Variants in GRM3 observed in about 807,000 individuals in gnomAD.
The protein encoded by GRM3 is metabotropic glutamate receptor 3.
A neutral mutation model predicts 70.5 loss-of-function variants in GRM3; 26 were observed. That is an observed-to-expected ratio of 0.37 (90% CI 0.27 to 0.51). The LOEUF is 0.51. GRM3 is among the 20% of genes least tolerant of loss of function. The probability of loss-of-function intolerance (pLI) is 0.93; values close to 1 mark genes in which losing one functional copy is unlikely to be tolerated. For missense variants in GRM3, 859 were observed against 1,123.8 expected, an observed-to-expected ratio of 0.76 and a Z score of 3.37; for synonymous variants, 443 against 434.9, an observed-to-expected ratio of 1.02 and a Z score of -0.23.
At chr7:86,707,535 CT>C (rs1795087686) in intron 1 of GRM3, among the ~76,000 whole-genome samples, 1 of 151,938 alleles carries the variant, frequency 6.6e-6, no homozygotes, top group African/African-American at 2.4e-5. Flanking sequence ...CATCAACTTG[CT>C]TCATGAGAAC....
chr7:86,782,247 G>T (rs1476017010), intron 2 of GRM3, among the ~76,000 whole-genome samples: 1 of 151,748 alleles, frequency 6.6e-6, no homozygotes, highest in Non-Finnish European at 1.5e-5. Flanking sequence ...AAGAATTATT[G>T]ATAGTGATTT....
intron 1 of GRM3, among the ~76,000 whole-genome samples, chr7:86,702,814 GA>G (rs1426726390): frequency 6.6e-6 from 1 of 151,898 alleles, no homozygotes; most frequent in Non-Finnish European, 1.5e-5. Flanking sequence ...AGACCAGAAG[GA>G]AGAACACAAT....
chr7:86,645,232 G>A (rs1322460739), intron 1 of GRM3, among the ~76,000 whole-genome samples: 1 of 152,070 alleles, frequency 6.6e-6, no homozygotes, highest in Admixed American at 6.6e-5. Context: ...TTCTATTTGG[G>A]GGCTCCCTAA....
At chr7:86,689,963 A>G (rs538253293) in intron 1 of GRM3, among the ~76,000 whole-genome samples, 9 of 152,288 alleles carry the variant, frequency 5.9e-5, no homozygotes, top group African/African-American at 1.9e-4. Context: ...GCAATCACTC[A>G]CTAAGGGTCT....
At chr7:86,737,575 GTTA>G (rs942915089) in intron 1 of GRM3, among the ~76,000 whole-genome samples, 1 of 152,008 alleles carries the variant, frequency 6.6e-6, no homozygotes, top group Non-Finnish European at 1.5e-5. Flanking sequence ...ATTTGTTACG[GTTA>G]TTATTAAACA....
At chr7:86,844,434 A>G (rs1384708136) in intron 4 of GRM3, among the ~76,000 whole-genome samples, 1 of 152,218 alleles carries the variant, frequency 6.6e-6, no homozygotes, top group Non-Finnish European at 1.5e-5. Flanking sequence ...TATGAGAAAT[A>G]GGCAGGAGAG....
chr7:86,652,375 G>A (rs1793628446), intron 1 of GRM3, among the ~76,000 whole-genome samples: 1 of 152,112 alleles, frequency 6.6e-6, no homozygotes, highest in Admixed American at 6.5e-5. Context: ...CTGTTGCCCA[G>A]GCTGGAGTGC....
At chr7:86,728,982 T>C (rs1323232990) in intron 1 of GRM3, among the ~76,000 whole-genome samples, 3 of 152,208 alleles carry the variant, frequency 2.0e-5, no homozygotes, top group African/African-American at 4.8e-5. Flanking sequence ...GATAAGGAGT[T>C]GACACTTGAC....
intron 1 of GRM3, among the ~76,000 whole-genome samples, chr7:86,658,913 T>C (rs1793822737): frequency 1.3e-5 from 1 of 79,642 alleles, no homozygotes; most frequent in African/African-American, 4.9e-5. Context: ...AATAGCAAGG[T>C]TATTAATAAT....
At chr7:86,764,623 A>G (rs566022135) in intron 1 of GRM3, among the ~76,000 whole-genome samples, 9 of 152,144 alleles carry the variant, frequency 5.9e-5, no homozygotes, top group Non-Finnish European at 1.2e-4. Flanking sequence ...GAAGGGATAT[A>G]AACTCACATC....
At chr7:86,734,958 G>A (rs1462062320) in intron 1 of GRM3, among the ~76,000 whole-genome samples, 4 of 152,142 alleles carry the variant, frequency 2.6e-5, no homozygotes, top group African/African-American at 9.7e-5. Flanking sequence ...TTTAAAATGT[G>A]TGAAGGCTTA....
chr7:86,853,679 A>G (rs1235133794), intron 5 of GRM3, among the ~76,000 whole-genome samples: 1 of 152,180 alleles, frequency 6.6e-6, no homozygotes, highest in Non-Finnish European at 1.5e-5. Flanking sequence ...TGTAGAGATG[A>G]GAGTAAGCTA....
rs1341299404 is a variant in GRM3 at position 86,807,468 on chromosome 7, A to G, written c.1324+20352A>G. ...GTTGAAGAGGTCCTTCACATCCCTT[A>G]TAAGTTGGATTCCTAAGTATTTTAT... On this transcript the variant is annotated intron_variant, in intron 3 of 5. Transcript: ENST00000361669. Among the ~76,000 whole-genome samples, 30 of 150,586 alleles carry G rather than the reference A, an allele frequency of 2.0e-4. No individual in the cohort carries two copies. The South Asian group carries it at 2.9e-3, about 15-fold the overall frequency.
intron 3 of GRM3, among the ~76,000 whole-genome samples, chr7:86,821,871 T>A (rs1798127862): frequency 6.6e-6 from 1 of 152,172 alleles, no homozygotes; most frequent in South Asian, 2.1e-4. Context: ...CCTTCATAAT[T>A]TTCTAATTAG....
rs1046865813 is a variant in GRM3, at chr7:86,839,688, C to A, written c.2174C>A (p.Thr725Lys). 1.9e-6 allele frequency: 3 copies of A among 1,613,862 alleles called. No homozygotes were observed. The highest frequency in any genetic ancestry group is 2.7e-5 in the African/African-American group (2 of 74,908). Residue 725 changes from threonine to lysine, a missense_variant, in exon 4 of 6, where the codon ACA (threonine) becomes AAA (lysine). By Grantham distance (78) the Thr-to-Lys change is moderately conservative. Transcript: ENST00000361669. The surrounding 1 kb of genome is among the most constrained non-coding windows in gnomAD (Gnocchi z 4.5). ...RRYTLAEKRE[T>K]VILKCNVKDS... The stretch of plus-strand genomic sequence containing the variant: ...TATACCCTTGCAGAGAAGCGGGAAA[C>A]AGTCATCCTAAAATGCAATGTCAAA...
chr7:86,762,569 T>A (rs780367545), intron 1 of GRM3, among the ~76,000 whole-genome samples: 13 of 152,292 alleles, frequency 8.5e-5, no homozygotes, highest in Non-Finnish European at 1.5e-4. Flanking sequence ...TTCTAAATGC[T>A]GTGCCATTTC....
intron 1 of GRM3, among the ~76,000 whole-genome samples, chr7:86,693,675 G>A (rs1451279027): frequency 6.6e-6 from 1 of 152,164 alleles, no homozygotes; most frequent in East Asian, 1.9e-4. Context: ...TGGTGTGAGA[G>A]AGATTATCTC....
chr7:86,656,438 T>G (rs1159165040), intron 1 of GRM3, among the ~76,000 whole-genome samples: 2 of 151,820 alleles, frequency 1.3e-5, no homozygotes, highest in African/African-American at 4.8e-5. Context: ...CTGGCTAGTT[T>G]TTGTATTTTT....
intron 1 of GRM3, among the ~76,000 whole-genome samples, chr7:86,685,108 A>T (rs1718191595): frequency 6.6e-6 from 1 of 152,194 alleles, no homozygotes; most frequent in African/African-American, 2.4e-5. Flanking sequence ...CAATATCCTC[A>T]TATTTGCAGC....
Sources: allele counts gnomAD v4.1 joint callset (sites outside exome capture counted in the v4.1 genomes callset), GRCh38; gene constraint gnomAD v4.1.1; non-coding constraint Gnocchi (gnomAD v3.1); transcripts MANE v1.5; gene names NCBI Gene and HGNC (gene_info 2026-07-23, HGNC 2026-07-21).